HYCC1: variants seen among roughly 807,000 people sequenced by gnomAD.
HYCC1 encodes the protein hyccin.
chr7:22,929,468 T>G, the HYCC1 span, among the ~76,000 whole-genome samples: 5 of 151,990 alleles, frequency 3.3e-5, no homozygotes, highest in Non-Finnish European at 7.4e-5. Context: ...ATATCCAGAA[T>G]CTACAATGAA....
the HYCC1 span, among the ~76,000 whole-genome samples, chr7:22,925,979 A>C: frequency 6.6e-6 from 1 of 152,184 alleles, no homozygotes; most frequent in African/African-American, 2.4e-5. Context: ...CTAACAGCTG[A>C]TCTCTCGGCA....
chr7:22,992,569 T>G, the HYCC1 span, among the ~76,000 whole-genome samples: 3 of 152,140 alleles, frequency 2.0e-5, no homozygotes, highest in African/African-American at 7.2e-5. Context: ...ATCTCTCCTT[T>G]GGAGTAACTT....
the HYCC1 span, among the ~76,000 whole-genome samples, chr7:22,990,169 C>T: frequency 2.0e-5 from 3 of 152,192 alleles, no homozygotes; most frequent in Admixed American, 1.3e-4. Flanking sequence ...ACTTTGAAGG[C>T]CAGACCAGAT....
the HYCC1 span, among the ~76,000 whole-genome samples, chr7:22,966,719 T>G: frequency 1.3e-5 from 2 of 152,322 alleles, no homozygotes; most frequent in East Asian, 3.8e-4. Flanking sequence ...GCCTTCACTT[T>G]AAAATGTCTA....
the HYCC1 span, chr7:22,961,177 AGTTC>A: frequency 5.5e-6 from 6 of 1,083,882 alleles, no homozygotes; most frequent in South Asian, 1.3e-5. Flanking sequence ...CTCAATTTAT[AGTTC>A]TAAATTGAGA....
the HYCC1 span, among the ~76,000 whole-genome samples, chr7:22,996,597 T>TAA: frequency 3.8e-4 from 40 of 106,524 alleles, no homozygotes; most frequent in Non-Finnish European, 5.6e-4. Flanking sequence ...GTACAATTGT[T>TAA]AAAAAAAAAA....
the HYCC1 span, among the ~76,000 whole-genome samples, chr7:22,922,092 T>C: frequency 1.3e-5 from 2 of 151,168 alleles, no homozygotes; most frequent in African/African-American, 4.8e-5. Flanking sequence ...ATGAGACCCA[T>C]GGAAAACAAA....
the HYCC1 span, among the ~76,000 whole-genome samples, chr7:22,984,930 G>C: frequency 6.6e-6 from 1 of 152,114 alleles, no homozygotes; most frequent in African/African-American, 2.4e-5. Flanking sequence ...TGACCAGAGA[G>C]TAATGGGAAG....
At chr7:22,939,759 C>G in the HYCC1 span, 1 of 152,104 alleles carries the variant, frequency 6.6e-6, no homozygotes, top group Non-Finnish European at 1.5e-5. Context: ...CACTCAGCAG[C>G]TAGGTGACCT....
At chr7:22,946,990 C>G in the HYCC1 span, 3 of 1,549,344 alleles carry the variant, frequency 1.9e-6, no homozygotes, top group Non-Finnish European at 2.6e-6. Context: ...TAAAACTGCA[C>G]TCTGCCAGGT....
At chr7:22,991,007 G>A in the HYCC1 span, 10 of 1,212,050 alleles carry the variant, frequency 8.3e-6, no homozygotes, top group Admixed American at 1.7e-5. Context: ...GAATTTAAAC[G>A]CCAGACAAAA....
the HYCC1 span, among the ~76,000 whole-genome samples, chr7:22,966,854 AAAGT>A: frequency 6.6e-6 from 1 of 152,224 alleles, no homozygotes; most frequent in Non-Finnish European, 1.5e-5. Context: ...CCAAGAGTAA[AAAGT>A]AAGCAGGGAA....
chr7:22,967,471 C>T, the HYCC1 span, among the ~76,000 whole-genome samples: 1 of 152,202 alleles, frequency 6.6e-6, no homozygotes, highest in Non-Finnish European at 1.5e-5. Context: ...AGAAGCTCAT[C>T]ACATCATGGA....
chr7:23,013,474 A>C, the HYCC1 span, among the ~76,000 whole-genome samples: 2 of 152,184 alleles, frequency 1.3e-5, no homozygotes, highest in East Asian at 3.9e-4. Context: ...GTGGGAGAGG[A>C]GGCAGAGGCC....
chr7:22,984,764 G>A, the HYCC1 span, among the ~76,000 whole-genome samples: 1 of 152,240 alleles, frequency 6.6e-6, no homozygotes, highest in Admixed American at 6.5e-5. Flanking sequence ...AGCATGAGAA[G>A]GCTGTTCTAC....
the HYCC1 span, chr7:22,978,485 CTGTAT>C: frequency 7.7e-6 from 12 of 1,551,386 alleles, no homozygotes; most frequent in South Asian, 2.2e-5. Flanking sequence ...AAGAACTGGA[CTGTAT>C]TTGAATGGAA....
chr7:22,949,791 T>TA, the HYCC1 span, among the ~76,000 whole-genome samples: 1 of 151,992 alleles, frequency 6.6e-6, no homozygotes, highest in South Asian at 2.1e-4. Context: ...ATATTACATT[T>TA]AAAAAAATCA....
chr7:22,970,569 G>A, the HYCC1 span, among the ~76,000 whole-genome samples: 1 of 152,200 alleles, frequency 6.6e-6, no homozygotes, highest in African/African-American at 2.4e-5. Context: ...GTGGGAAAGT[G>A]CTACTTTAGG....
At chr7:22,996,915 A>G in the HYCC1 span, among the ~76,000 whole-genome samples, 1 of 152,178 alleles carries the variant, frequency 6.6e-6, no homozygotes, top group Non-Finnish European at 1.5e-5. Flanking sequence ...CATTTGTAAA[A>G]ACTTTATTCT....
Sources: gnomAD v4.1 joint callset for allele counts (sites outside exome capture counted in the v4.1 genomes callset) on GRCh38, gnomAD v4.1.1 for gene constraint, MANE v1.5 for transcripts, NCBI Gene and HGNC (gene_info 2026-07-23, HGNC 2026-07-21) for gene names.